SULF2: variants seen among roughly 807,000 people sequenced by gnomAD.
The protein encoded by SULF2 is sulfatase 2.
In SULF2, 52 loss-of-function variants were observed where a neutral mutation model predicts 107.7. The observed-to-expected ratio is 0.48, with a 90% CI of 0.39 to 0.61. SULF2 has a LOEUF of 0.61. Ranked by LOEUF, SULF2 falls within the 20% of genes least tolerant of loss-of-function variation. The pLI is 0.00. For synonymous variants in SULF2, 460 were observed against 464.3 expected (o/e 0.99, Z 0.12); for missense variants, 993 against 1,177.3 (o/e 0.84, Z 2.29).
Position 47,678,524 on chromosome 20 carries a change from C to CCCACGGGGACCATGCTTCTCTA in SULF2, c.1193+151_1193+152insTAGAGAAGCATGGTCCCCGTGG. 1 of 973,142 alleles carries CCCACGGGGACCATGCTTCTCTA rather than the reference C, an allele frequency of 1.0e-6. No individual in the cohort carries two copies. Among genetic ancestry groups the CCCACGGGGACCATGCTTCTCTA allele is most frequent in the Non-Finnish European group, 1.5e-6 (1 of 653,174 alleles). The allele number at this position is 973,142 out of a possible 1,614,324, so 60.3% of individuals were successfully genotyped here. A position where few individuals can be genotyped will look rare whatever the true frequency, so the allele number is the denominator to read the frequency against. On this transcript the variant is annotated intron_variant, in intron 8 of 20. Coordinates refer to ENST00000688720, the MANE Select transcript of SULF2 (RefSeq NM_001387048.1). The surrounding 1 kb of genome is among the most constrained non-coding windows in gnomAD (Gnocchi z 4.5). ...CTCGGAGAGGGGACCATGCTTCTCT[C>CCCACGGGGACCATGCTTCTCTA]CCACAGCAGGTAAGTGGTTGGCATG...
intron 3 of SULF2, among the ~76,000 whole-genome samples, chr20:47,720,460 G>A (rs1338422134): frequency 7.3e-5 from 11 of 151,364 alleles, no homozygotes; most frequent in Non-Finnish European, 1.2e-4. Context: ...GTTTCACCAT[G>A]TTGGCCAGGC....
chr20:47,672,616 C>A lies in SULF2; in HGVS notation c.1381-223G>T, dbSNP rs1004234103. 7.6e-6 allele frequency: 7 copies of A among 920,128 alleles called. No individual in the cohort carries two copies. In the African/African-American group the frequency reaches 1.2e-4, roughly 16 times the overall value. 57.0% of individuals were successfully genotyped at this position (920,128 alleles called of 1,614,324 possible). A position where few individuals can be genotyped will look rare whatever the true frequency, so the allele number is the denominator to read the frequency against. ...CCCAGCGAGATGCCTCCGACAGCCA[C>A]CACTCTCACGGTTACCTGCTTCTGT... On this transcript the variant is annotated intron_variant, in intron 10 of 20. Transcript: ENST00000688720.
At chr20:47,668,663 G>C (rs952566413) in intron 11 of SULF2, among the ~76,000 whole-genome samples, 1 of 152,218 alleles carries the variant, frequency 6.6e-6, no homozygotes, top group Non-Finnish European at 1.5e-5. Context: ...GCACGAAACG[G>C]AACTAGTGAA....
At chr20:47,729,475 G>A (rs1433647910) in intron 3 of SULF2, among the ~76,000 whole-genome samples, 2 of 152,344 alleles carry the variant, frequency 1.3e-5, no homozygotes, top group Admixed American at 6.5e-5. Flanking sequence ...CAGGGCAGGC[G>A]GGGAAGACAG....
Position 47,702,681 on chromosome 20 carries a change from A to C in SULF2, c.416-11T>G. The stretch of plus-strand genomic sequence containing the variant: ...ACTTCCCGAAGAAAGCTGCGGAGGG[A>C]GATGGATCAGGAGGCCACGTGAGAA... On this transcript the variant is annotated splice_polypyrimidine_tract_variant and intron_variant, in intron 3 of 20. Transcript: ENST00000688720. The C allele has an allele frequency of 6.2e-7, 1 of 1,613,308 alleles. No individual in the cohort carries two copies. The highest frequency in any genetic ancestry group is 8.5e-7 in the Non-Finnish European group (1 of 1,179,834).
At chr20:47,735,879 C>A (rs117782688) in intron 3 of SULF2, among the ~76,000 whole-genome samples, 1 of 152,144 alleles carries the variant, frequency 6.6e-6, no homozygotes, top group Non-Finnish European at 1.5e-5. Context: ...CCTTCCCTTG[C>A]GGCACTCCCA....
At chr20:47,727,821 T>G (rs764899217) in intron 3 of SULF2, among the ~76,000 whole-genome samples, 3 of 152,234 alleles carry the variant, frequency 2.0e-5, no homozygotes, top group African/African-American at 4.8e-5. Context: ...CAAGGGCGCT[T>G]AAGGCGGAGT....
chr20:47,768,174 G>A (rs989531032), intron 1 of SULF2, among the ~76,000 whole-genome samples: 6 of 152,184 alleles, frequency 3.9e-5, no homozygotes, highest in Non-Finnish European at 7.3e-5. Context: ...AGACAGCGAC[G>A]CCACTTTGTC....
At chr20:47,766,755 G>C (rs750202570) in intron 1 of SULF2, among the ~76,000 whole-genome samples, 2 of 152,240 alleles carry the variant, frequency 1.3e-5, no homozygotes, top group Non-Finnish European at 2.9e-5. Context: ...CCACCGGCAA[G>C]CTGTGAGAAC....
intron 3 of SULF2, among the ~76,000 whole-genome samples, chr20:47,734,313 C>A (rs551026661): frequency 6.6e-6 from 1 of 152,300 alleles, no homozygotes; most frequent in South Asian, 2.1e-4. Flanking sequence ...CAGGGTTTAA[C>A]ATGGCTGAAG....
Position 47,757,266 on chromosome 20 carries a change from C to CCTTTCAGG in SULF2, c.90_97dup (p.Gly33AlafsTer2). On this transcript the variant is annotated stop_gained and frameshift_variant, in exon 2 of 21. Coordinates refer to ENST00000688720, the MANE Select transcript of SULF2 (RefSeq NM_001387048.1). LOFTEE classifies it high-confidence loss of function. ...GTTCCTGCGGTCCCTCTGAAACCTG[C>CCTTTCAGG]CTTTCAGGCGGTGGTGCGACAGGAA... 6.3e-7 allele frequency: 1 copy of CCTTTCAGG among 1,580,166 alleles called. No individual in the cohort carries two copies. Among genetic ancestry groups the CCTTTCAGG allele is most frequent in the Non-Finnish European group, 8.6e-7 (1 of 1,161,868 alleles).
At chr20:47,743,892 GA>G (rs1297153662) in intron 2 of SULF2, among the ~76,000 whole-genome samples, 1 of 152,162 alleles carries the variant, frequency 6.6e-6, no homozygotes, top group Non-Finnish European at 1.5e-5. Context: ...CCTCAGCCCA[GA>G]CTCAGTCCCT....
rs117278299 is a variant in SULF2 at position 47,702,835 on chromosome 20, C to T, written c.416-165G>A. The stretch of plus-strand genomic sequence containing the variant: ...CCAATGTTATTACGTGCATTGAATA[C>T]AAGATATAGGATTACAGAGAAAATC... On this transcript the variant is annotated intron_variant, in intron 3 of 20. Coordinates refer to ENST00000688720, the MANE Select transcript of SULF2 (RefSeq NM_001387048.1). Among the ~76,000 whole-genome samples the T allele has an allele frequency of 2.5e-3, 383 of 152,316 alleles. 2 individuals are homozygous for T. The highest frequency in any genetic ancestry group is 4.7e-3 in the Non-Finnish European group (322 of 68,034).
chr20:47,770,386 TCTGA>T lies in SULF2; in HGVS notation c.-100-12927_-100-12924del, dbSNP rs556342796. ...CTGATGTAAGTTTTAACAGAATCCT[TCTGA>T]CTATGTGAGGGGAACAGACTGCAGG... On this transcript the variant is annotated intron_variant, in intron 1 of 20. Transcript: ENST00000688720. Among the ~76,000 whole-genome samples the T allele has an allele frequency of 1.1e-4, 17 of 152,144 alleles. 1 individual carries two copies. The South Asian group carries it at 3.5e-3, about 32-fold the overall frequency.
At chr20:47,764,337 G>C (rs1437284092) in intron 1 of SULF2, among the ~76,000 whole-genome samples, 2 of 149,078 alleles carry the variant, frequency 1.3e-5, no homozygotes, top group Admixed American at 1.3e-4. Context: ...AACAATGCTT[G>C]CGGCATAGCA....
chr20:47,721,517 C>T (rs372682256), intron 3 of SULF2, among the ~76,000 whole-genome samples: 56 of 152,194 alleles, frequency 3.7e-4, no homozygotes, highest in African/African-American at 1.1e-3. Flanking sequence ...TACAGGCATG[C>T]GCTACCACGC....
chr20:47,684,398 A>G, intron 6 of SULF2, 33 bp downstream of exon 6: 1 of 1,574,674 alleles, frequency 6.4e-7, no homozygotes, highest in Non-Finnish European at 8.6e-7. Flanking sequence ...GTTCGGAGCC[A>G]CGCCCACCAA....
intron 1 of SULF2, among the ~76,000 whole-genome samples, chr20:47,775,673 C>T (rs572774941): frequency 6.6e-6 from 1 of 152,244 alleles, no homozygotes; most frequent in African/African-American, 2.4e-5. Context: ...ATTCAAACAG[C>T]CAGTAAGCCT....
intron 1 of SULF2, among the ~76,000 whole-genome samples, chr20:47,773,804 CT>C (rs1395778125): frequency 6.6e-6 from 1 of 152,222 alleles, no homozygotes; most frequent in Non-Finnish European, 1.5e-5. Context: ...ACAATTCCAC[CT>C]TTTTAACCCC....
Sources: gnomAD v4.1 joint callset for allele counts (sites outside exome capture counted in the v4.1 genomes callset) on GRCh38, gnomAD v4.1.1 for gene constraint, Gnocchi (gnomAD v3.1) non-coding constraint, MANE v1.5 for transcripts, NCBI Gene and HGNC (gene_info 2026-07-23, HGNC 2026-07-21) for gene names.